GRM5: variants seen among roughly 807,000 people sequenced by gnomAD.
GRM5 encodes the protein metabotropic glutamate receptor 5.
Under a neutral mutation model 83.1 loss-of-function variants are expected in GRM5, and 19 were observed. The observed-to-expected ratio is 0.23, with a 90% CI of 0.16 to 0.34. GRM5 has a LOEUF of 0.34. Among genes scored for constraint, GRM5 ranks in the 10% least tolerant of loss-of-function variants. The pLI, the probability that GRM5 is intolerant of heterozygous loss-of-function variation, is 1.00. For synonymous variants in GRM5, 675 were observed against 633.6 expected (o/e 1.07, Z -0.98); for missense variants, 1,160 against 1,588.3 (o/e 0.73, Z 4.58).
At chr11:88,738,443 G>A (rs751734392) in intron 3 of GRM5, among the ~76,000 whole-genome samples, 68 of 152,012 alleles carry the variant, frequency 4.5e-4, no homozygotes, top group Non-Finnish European at 8.4e-4. Flanking sequence ...TGTAGGAAAA[G>A]CTGGGTAAAA....
chr11:88,570,562 TA>T (rs1942968019), intron 7 of GRM5, among the ~76,000 whole-genome samples: 3 of 78,750 alleles, frequency 3.8e-5, no homozygotes, highest in Non-Finnish European at 6.9e-5. Flanking sequence ...TATATATATA[TA>T]TATATATATT....
chr11:89,007,077 G>A (rs1434473337), intron 2 of GRM5, among the ~76,000 whole-genome samples: 1 of 152,202 alleles, frequency 6.6e-6, no homozygotes, highest in Non-Finnish European at 1.5e-5. Flanking sequence ...GATTACAGGC[G>A]TGAGCCACGG....
chr11:88,542,576 A>G (rs1451342895), intron 8 of GRM5, among the ~76,000 whole-genome samples: 1 of 152,180 alleles, frequency 6.6e-6, no homozygotes, highest in East Asian at 1.9e-4. Flanking sequence ...ATTCAAAGCT[A>G]GGTTCTTCTG....
chr11:88,663,823 G>A (rs540329312), intron 3 of GRM5, among the ~76,000 whole-genome samples: 2 of 152,188 alleles, frequency 1.3e-5, no homozygotes, highest in Admixed American at 6.5e-5. Context: ...GTGATTGCAC[G>A]GTGCTAAGTG....
intron 4 of GRM5, among the ~76,000 whole-genome samples, chr11:88,608,085 A>C (rs73542109): frequency 0.054 from 8,235 of 152,206 alleles, 452 homozygotes; most frequent in African/African-American, 0.15. Flanking sequence ...GGTTACATGC[A>C]ATTGAGACTC....
intron 8 of GRM5, among the ~76,000 whole-genome samples, chr11:88,556,919 A>T (rs950383771): frequency 6.6e-6 from 1 of 152,134 alleles, no homozygotes; most frequent in African/African-American, 2.4e-5. Flanking sequence ...AAAATGTTGC[A>T]TTTAGGGTTA....
intron 6 of GRM5, among the ~76,000 whole-genome samples, chr11:88,594,715 G>A (rs1430724465): frequency 6.6e-6 from 1 of 151,780 alleles, no homozygotes; most frequent in Non-Finnish European, 1.5e-5. Flanking sequence ...ACCCTTTGAG[G>A]GCCTTACTAT....
chr11:88,768,154 T>C (rs1942660000), intron 3 of GRM5, among the ~76,000 whole-genome samples: 1 of 151,920 alleles, frequency 6.6e-6, no homozygotes, highest in Non-Finnish European at 1.5e-5. Context: ...ATGTTCAAAG[T>C]GTATTATTTG....
chr11:88,844,522 T>C (rs1026165684), intron 3 of GRM5, among the ~76,000 whole-genome samples: 1 of 100,014 alleles, frequency 1.0e-5, no homozygotes, highest in African/African-American at 3.0e-5. Context: ...ACAATATCCA[T>C]TCTTCAGCCT....
intron 4 of GRM5, among the ~76,000 whole-genome samples, chr11:88,625,259 C>T (rs2135262861): frequency 6.6e-6 from 1 of 152,168 alleles, no homozygotes; most frequent in African/African-American, 2.4e-5. Flanking sequence ...GCCAGGCTTG[C>T]CTCCAGATAA....
chr11:88,792,104 A>T (rs2135475937), intron 3 of GRM5, among the ~76,000 whole-genome samples: 1 of 152,102 alleles, frequency 6.6e-6, no homozygotes, highest in East Asian at 1.9e-4. Flanking sequence ...ATTTCATCTC[A>T]GCACCCAATT....
intron 3 of GRM5, among the ~76,000 whole-genome samples, chr11:88,666,898 C>A (rs1208719411): frequency 6.6e-6 from 1 of 151,834 alleles, no homozygotes; most frequent in Admixed American, 6.6e-5. Context: ...AATGGACAGA[C>A]ATATAAAGCA....
intron 5 of GRM5, among the ~76,000 whole-genome samples, chr11:88,598,303 A>C (rs182401809): frequency 1.2e-4 from 18 of 152,286 alleles, no homozygotes; most frequent in South Asian, 8.3e-4. Flanking sequence ...TTTTGGATTC[A>C]AGTGATGAGA....
chr11:89,010,180 A>C (rs1466551622), intron 2 of GRM5, among the ~76,000 whole-genome samples: 1 of 151,944 alleles, frequency 6.6e-6, no homozygotes, highest in East Asian at 1.9e-4. Context: ...ATCATGGCCT[A>C]TTATACACGA....
At chr11:88,798,825 AAAC>A (rs1555017420) in intron 3 of GRM5, among the ~76,000 whole-genome samples, 2 of 145,308 alleles carry the variant, frequency 1.4e-5, no homozygotes, top group East Asian at 2.1e-4. Context: ...AAAAAAAAAA[AAAC>A]AACAACAACA....
rs577758560 is a variant in GRM5 at position 88,801,825 on chromosome 11, T to C, written c.911+48081A>G. ...CAATTCTAGTCCTGCTATTTACTAGTTATACATTAACAAATTTTATAACCT... is the reference window on the plus strand; with the variant it reads ...CAATTCTAGTCCTGCTATTTACTAGCTATACATTAACAAATTTTATAACCT... On this transcript the variant is annotated intron_variant, in intron 3 of 9. Coordinates refer to ENST00000305447, the MANE Select transcript of GRM5 (RefSeq NM_001143831.3). Among the ~76,000 whole-genome samples, 115 of 152,274 alleles carry C rather than the reference T, an allele frequency of 7.6e-4. 1 individual carries two copies. Among genetic ancestry groups the C allele is most frequent in the Middle Eastern group, 3.4e-3 (1 of 294 alleles).
At chr11:88,974,782 C>G (rs1385338678) in intron 2 of GRM5, among the ~76,000 whole-genome samples, 1 of 152,118 alleles carries the variant, frequency 6.6e-6, no homozygotes, top group Non-Finnish European at 1.5e-5. Flanking sequence ...TCTCTCATCT[C>G]TTTAATGTCT....
chr11:88,865,164 C>A (rs1944640839), intron 2 of GRM5, among the ~76,000 whole-genome samples: 1 of 151,186 alleles, frequency 6.6e-6, no homozygotes, highest in African/African-American at 2.4e-5. Context: ...CTATCCCCAT[C>A]AAGCTATAGT....
At chr11:88,893,122 A>G (rs1945175601) in intron 2 of GRM5, among the ~76,000 whole-genome samples, 1 of 151,204 alleles carries the variant, frequency 6.6e-6, no homozygotes, top group Non-Finnish European at 1.5e-5. Context: ...TATTATCCTT[A>G]CAGGAGGGAT....
Sources: allele counts gnomAD v4.1 joint callset (sites outside exome capture counted in the v4.1 genomes callset), GRCh38; gene constraint gnomAD v4.1.1; transcripts MANE v1.5; gene names NCBI Gene and HGNC (gene_info 2026-07-23, HGNC 2026-07-21).